The following ART3 variants were observed in gnomAD, a reference collection of about 807,000 sequenced individuals.
The protein encoded by ART3 is ADP-ribosyltransferase 3 (inactive).
A neutral mutation model predicts 48.5 loss-of-function variants in ART3; 49 were observed. The observed-to-expected ratio is 1.01, with a 90% CI of 0.80 to 1.28. The LOEUF is 1.28. ART3 is among the 50% of genes most tolerant of loss of function. The probability of loss-of-function intolerance (pLI) is 0.00; values close to 1 mark genes in which losing one functional copy is unlikely to be tolerated. For synonymous variants in ART3, 145 were observed against 157.2 expected (o/e 0.92, Z 0.58); for missense variants, 438 against 454.3 (o/e 0.96, Z 0.33).
At chr4:76,095,205 ACT>A (rs1384052600) in intron 3 of ART3, among the ~76,000 whole-genome samples, 1 of 152,116 alleles carries the variant, frequency 6.6e-6, no homozygotes, top group Non-Finnish European at 1.5e-5. Context: ...TAACAAAATG[ACT>A]CTGTGTTAAA....
Position 76,052,741 on chromosome 4 carries a change from G to A in ART3, c.-9-23140G>A, listed in dbSNP as rs1413366239. Among the ~76,000 whole-genome samples the A allele has an allele frequency of 3.0e-5, 4 of 132,958 alleles. No individual in the cohort carries two copies. In the Admixed American group the frequency reaches 3.5e-4, roughly 12 times the overall value. The allele number at this position is 132,958 out of a possible 152,430, so 87.2% of individuals were successfully genotyped here. On this transcript the variant is annotated intron_variant, in intron 1 of 9. Coordinates refer to the ART3 transcript ENST00000341029. The stretch of plus-strand genomic sequence containing the variant: ...TTCTTTTTTTTTTTTTTAAGACAGA[G>A]TCTTGCTCTGTCATCCAGGCTGGAG...
At chr4:76,072,569 T>G (rs1720428127), upstream of ART3, among the ~76,000 whole-genome samples, 2 of 151,850 alleles carry the variant, frequency 1.3e-5, 1 homozygote, top group Admixed American at 1.3e-4. Context: ...CATTTAGTCT[T>G]CTTACATTCA....
At chr4:76,022,161 A>C (rs995051396) in intron 1 of ART3, among the ~76,000 whole-genome samples, 3 of 152,236 alleles carry the variant, frequency 2.0e-5, no homozygotes, top group Admixed American at 1.3e-4. Context: ...CTGTACTTCA[A>C]GGTTGACTGG....
intron 1 of ART3, among the ~76,000 whole-genome samples, chr4:76,040,789 A>G (rs1326344685): frequency 6.6e-6 from 1 of 152,158 alleles, no homozygotes; most frequent in African/African-American, 2.4e-5. Context: ...TCTTCAGGTG[A>G]TAGATCCAAA....
intron 1 of ART3, chr4:76,023,311 G>A: frequency 1.5e-6 from 2 of 1,306,868 alleles, no homozygotes; most frequent in Non-Finnish European, 1.1e-6. Context: ...TGTATTTTTA[G>A]AATTTATACC....
intron 2 of ART3, among the ~76,000 whole-genome samples, chr4:76,076,328 A>G (rs1481247922): frequency 6.6e-6 from 1 of 152,060 alleles, no homozygotes; most frequent in East Asian, 1.9e-4. Flanking sequence ...TTGATATAAC[A>G]TTACCTGAGG....
chr4:76,017,154 A>G (rs1391980021), intron 1 of ART3, among the ~76,000 whole-genome samples: 3 of 151,840 alleles, frequency 2.0e-5, no homozygotes, highest in South Asian at 2.1e-4. Flanking sequence ...ATCTCTCACT[A>G]TGACCACCAC....
intron 1 of ART3, chr4:76,036,916 G>T: frequency 4.8e-6 from 1 of 206,834 alleles, no homozygotes; most frequent in East Asian, 1.3e-4. Flanking sequence ...CTCGTTAGGG[G>T]TGAAGCCACA....
chr4:76,112,549 T>TA lies in ART3; in HGVS notation c.*30_*31insA. ...ATGCATTGTTTATCTTTCTTATTCT[T>TA]TACTTGAAATAACTATAGGGATCCA... On this transcript the variant is annotated 3_prime_UTR_variant, in exon 12 of 12. Transcript: ENST00000355810. 6.3e-7 allele frequency: 1 copy of TA among 1,594,160 alleles called. No homozygotes were observed. Among genetic ancestry groups the TA allele is most frequent in the Non-Finnish European group, 8.6e-7 (1 of 1,168,494 alleles).
intron 1 of ART3, among the ~76,000 whole-genome samples, chr4:76,054,464 C>T (rs575296217): frequency 8.6e-5 from 13 of 152,000 alleles, no homozygotes; most frequent in African/African-American, 3.1e-4. Flanking sequence ...GTTTTTTGTT[C>T]TAGCTATTTT....
In ART3 at chr4:76,079,318, G is replaced by A. The variant is rs114739366; in HGVS notation, c.70-2506G>A. ...TAGAGTGTCCACCCAGTGTGTCTGA[G>A]AAGGAAATATGTAGGAAAAGTTCAC... On this transcript the variant is annotated intron_variant, in intron 2 of 11. Transcript: ENST00000355810. Among the ~76,000 whole-genome samples, 957 of 152,270 alleles carry A rather than the reference G, an allele frequency of 6.3e-3. 23 individuals carry two copies. Among genetic ancestry groups the A allele is most frequent in the African/African-American group, 0.022 (909 of 41,554 alleles).
Position 76,100,823 on chromosome 4 carries a change from TG to T in ART3, c.907+1del, listed in dbSNP as rs1727132439. 1.2e-6 allele frequency: 2 copies of T among 1,612,320 alleles called. No homozygotes were observed. Among genetic ancestry groups the T allele is most frequent in the Non-Finnish European group, 1.7e-6 (2 of 1,179,686 alleles). ...AGAAAAACTGGAAGCTTGAAGACCA[TG>T]GTAAGACATTTTTTATAAATTCTGG... Reference protein sequence around the residue: ...SEKNWKLEDHGEKNQKLEDHG... With the variant: ...SEKNWKLEDHXEKNQKLEDHG... On this transcript the variant is annotated frameshift_variant and splice_region_variant, in exon 7 of 12. Coordinates refer to ENST00000355810, the MANE Select transcript of ART3 (RefSeq NM_001130016.3). LOFTEE classifies it high-confidence loss of function.
At chr4:76,041,835 G>A (rs1004200139) in intron 1 of ART3, among the ~76,000 whole-genome samples, 7 of 152,192 alleles carry the variant, frequency 4.6e-5, no homozygotes, top group South Asian at 2.1e-4. Flanking sequence ...TGAGGTTGGA[G>A]AGGCAGATAG....
intron 1 of ART3, chr4:76,034,860 G>A (rs1734205270): frequency 1.3e-6 from 2 of 1,531,830 alleles, no homozygotes; most frequent in Non-Finnish European, 9.0e-7. Flanking sequence ...GGCTGTTCTT[G>A]TTTCCCCCAG....
intron 1 of ART3, among the ~76,000 whole-genome samples, chr4:76,020,636 T>C (rs1429006462): frequency 6.6e-6 from 1 of 152,162 alleles, no homozygotes; most frequent in African/African-American, 2.4e-5. Flanking sequence ...AGAATTAGTT[T>C]ATTTTGGAGT....
At chr4:76,035,940 A>G (rs746446876) in intron 1 of ART3, 13 of 1,613,842 alleles carry the variant, frequency 8.1e-6, no homozygotes, top group Non-Finnish European at 1.0e-5. Context: ...GAACAACTGT[A>G]GCACACAATA....
chr4:76,082,232 G>T lies in ART3; in HGVS notation c.478G>T (p.Val160Leu). Residue 160 changes from valine to leucine, a missense_variant, in exon 3 of 12, where the codon GTG (valine) becomes TTG (leucine). Around this residue, in one of 3 missense-constraint regions of ART3, gnomAD observed 206 missense variants for 205.3 expected, o/e 1.00. Coordinates refer to ENST00000355810, the MANE Select transcript of ART3 (RefSeq NM_001130016.3). Reference sequence around the variant, plus strand: ...ACCTTGTGAGGCCAGTTCCAAAACTGTGGTATATAGAACAAGCCAGGGCAC... The same window carrying T: ...ACCTTGTGAGGCCAGTTCCAAAACTTTGGTATATAGAACAAGCCAGGGCAC... ...RKPCEASSKTVVYRTSQGTSF... is the reference protein window; with the variant it reads ...RKPCEASSKTLVYRTSQGTSF... The T allele has an allele frequency of 6.2e-7, 1 of 1,614,162 alleles. No individual in the cohort carries two copies. The highest frequency in any genetic ancestry group is 8.5e-7 in the Non-Finnish European group (1 of 1,180,044).
intron 1 of ART3, among the ~76,000 whole-genome samples, chr4:76,046,720 G>C (rs1399662403): frequency 1.3e-5 from 2 of 151,926 alleles, no homozygotes; most frequent in African/African-American, 2.4e-5. Context: ...CTCCAGCCTT[G>C]GCTAATATAT....
chr4:76,093,066 G>A (rs967637817), intron 3 of ART3, among the ~76,000 whole-genome samples: 2 of 152,102 alleles, frequency 1.3e-5, no homozygotes, highest in African/African-American at 4.8e-5. Context: ...GCTTTTTCCA[G>A]CTTCCAGAGG....
Sources: gnomAD v4.1 joint callset for allele counts (sites outside exome capture counted in the v4.1 genomes callset) on GRCh38, gnomAD v4.1.1 for gene constraint, gnomAD v4.1.1 regional missense constraint, MANE v1.5 for transcripts, NCBI Gene and HGNC (gene_info 2026-07-23, HGNC 2026-07-21) for gene names.